Variants in ESR2 observed in about 807,000 individuals in gnomAD.
The protein encoded by ESR2 is estrogen receptor 2, also known as estrogen receptor beta.
A neutral mutation model predicts 49.6 loss-of-function variants in ESR2; 36 were observed. That is an observed-to-expected ratio of 0.73 (90% CI 0.56 to 0.96). The LOEUF is 0.96. Among genes scored for constraint, ESR2 ranks in the 40% least tolerant of loss-of-function variants. The probability of loss-of-function intolerance (pLI) is 0.00; values close to 1 mark genes in which losing one functional copy is unlikely to be tolerated. For missense variants in ESR2, 714 were observed against 693.0 expected, an observed-to-expected ratio of 1.03 and a Z score of -0.34; for synonymous variants, 320 against 266.1, an observed-to-expected ratio of 1.20 and a Z score of -1.97.
chr14:64,289,836 G>A (rs2076842989), intron 1 of ESR2, among the ~76,000 whole-genome samples: 1 of 152,064 alleles, frequency 6.6e-6, no homozygotes, highest in Non-Finnish European at 1.5e-5. Flanking sequence ...AGACTAGGAG[G>A]ATAAGTCTAG....
chr14:64,262,502 T>C (rs943434754), intron 4 of ESR2, among the ~76,000 whole-genome samples: 1 of 152,256 alleles, frequency 6.6e-6, no homozygotes, highest in South Asian at 2.1e-4. Flanking sequence ...TGATTTTGGT[T>C]AGAATTTCTA....
chr14:64,275,327 T>C (rs1229719647), intron 3 of ESR2, among the ~76,000 whole-genome samples: 2 of 152,238 alleles, frequency 1.3e-5, no homozygotes, highest in Non-Finnish European at 2.9e-5. Context: ...TCTTTATTAT[T>C]AGTGACCTTT....
At chr14:64,312,918 A>T (rs1174972798) in intron 1 of ESR2, among the ~76,000 whole-genome samples, 2 of 152,152 alleles carry the variant, frequency 1.3e-5, no homozygotes, top group Non-Finnish European at 2.9e-5. Context: ...CAAAAAGAAA[A>T]AAATAAATAA....
In ESR2 at chr14:64,230,037, G is replaced by A. The variant is rs934537842; in HGVS notation, c.*3100C>T. On this transcript the variant is annotated 3_prime_UTR_variant, in exon 9 of 9. Coordinates refer to ENST00000341099, the MANE Select transcript of ESR2 (RefSeq NM_001437.3). Reference sequence around the variant, plus strand: ...CTACAAATATTAAAAGAATTAGCCAGGAGTGGTGGTGTGCACCCCAGCTAC... The same window carrying A: ...CTACAAATATTAAAAGAATTAGCCAAGAGTGGTGGTGTGCACCCCAGCTAC... Among the ~76,000 whole-genome samples, 1 of 151,908 alleles carries A rather than the reference G, an allele frequency of 6.6e-6. No individual in the cohort carries two copies. Among genetic ancestry groups the A allele is most frequent in the Non-Finnish European group, 1.5e-5 (1 of 67,982 alleles).
At chr14:64,331,104 A>G (rs1347580897) in intron 1 of ESR2, among the ~76,000 whole-genome samples, 1 of 152,194 alleles carries the variant, frequency 6.6e-6, no homozygotes, top group African/African-American at 2.4e-5. Flanking sequence ...AGACTAGATT[A>G]AAAAACAAAA....
At chr14:64,259,375 C>A (rs1032404739) in intron 5 of ESR2, among the ~76,000 whole-genome samples, 3 of 152,228 alleles carry the variant, frequency 2.0e-5, no homozygotes, top group African/African-American at 7.2e-5. Flanking sequence ...TTGCCCAGTG[C>A]AGTCGCTGCC....
intron 7 of ESR2, among the ~76,000 whole-genome samples, chr14:64,246,749 A>AAAAAAAAAAAAAAAAAC (rs2075866814): frequency 6.9e-6 from 1 of 143,932 alleles, no homozygotes; most frequent in African/African-American, 2.7e-5. Context: ...AAAAAAAAAA[A>AAAAAAAAAAAAAAAAAC]AAAAAAAAAA....
At chr14:64,289,165 T>G (rs2076829896) in intron 1 of ESR2, among the ~76,000 whole-genome samples, 1 of 152,020 alleles carries the variant, frequency 6.6e-6, no homozygotes, top group Non-Finnish European at 1.5e-5. Flanking sequence ...AGGTACCTAT[T>G]TGGTGCTGTA....
In ESR2 at chr14:64,268,878, T is replaced by C. The variant is rs552876311; in HGVS notation, c.569A>G (p.Gln190Arg). 3 of 1,612,958 alleles carry C rather than the reference T, an allele frequency of 1.9e-6. No homozygotes were observed. In the East Asian group the frequency reaches 6.7e-5, roughly 36 times the overall value. ...HNDYICPATNQCTIDKNRRKS... is the reference protein window; with the variant it reads ...HNDYICPATNRCTIDKNRRKS... ...GCGCCGGTTTTTATCGATTGTACAC[T>C]GATTTGTAGCTGGACAAATATAATC... Residue 190 changes from glutamine (Q) to arginine (R), a missense_variant, in exon 4 of 9, where the codon CAG (glutamine) becomes CGG (arginine). Transcript: ENST00000341099.
At chr14:64,309,344 G>T (rs1481795632) in intron 1 of ESR2, among the ~76,000 whole-genome samples, 2 of 152,202 alleles carry the variant, frequency 1.3e-5, no homozygotes, top group African/African-American at 4.8e-5. Flanking sequence ...GGGTGCAGTG[G>T]CTTATGCCTA....
intron 1 of ESR2, among the ~76,000 whole-genome samples, chr14:64,328,051 C>CAAAAAAAAA (rs748229456): frequency 4.3e-4 from 37 of 86,716 alleles, no homozygotes; most frequent in South Asian, 7.8e-4. Flanking sequence ...ACTAAAAATA[C>CAAAAAAAAA]AAAAAAAAAA....
In ESR2 at chr14:64,294,015, G is replaced by C. The variant is rs1197451603; in HGVS notation, c.-91+18C>G. ...AAATGAGACAATTAAACCACACCTC[G>C]AGCGAAGGGGCGCTTACCTTGCAGA... On this transcript the variant is annotated intron_variant, in intron 1 of 8. Coordinates refer to ENST00000341099, the MANE Select transcript of ESR2 (RefSeq NM_001437.3). 1 of 152,188 alleles carries C rather than the reference G, an allele frequency of 6.6e-6. No individual in the cohort carries two copies. Among genetic ancestry groups the C allele is most frequent in the Non-Finnish European group, 1.5e-5 (1 of 68,042 alleles). The allele number at this position is 152,188 out of a possible 1,614,324, so 9.4% of individuals were successfully genotyped here.
chr14:64,306,589 A>C (rs897833089), intron 1 of ESR2, among the ~76,000 whole-genome samples: 7 of 152,170 alleles, frequency 4.6e-5, no homozygotes, highest in Non-Finnish European at 7.3e-5. Flanking sequence ...AATTATATTG[A>C]TTGGGCTTTG....
At chr14:64,326,445 A>T (rs1007046645) in intron 1 of ESR2, among the ~76,000 whole-genome samples, 4 of 152,098 alleles carry the variant, frequency 2.6e-5, no homozygotes, top group African/African-American at 9.7e-5. Flanking sequence ...TTATTATTTA[A>T]TTATTTATTA....
At chr14:64,249,731 A>T in intron 6 of ESR2, 52 bp from the exon 7 acceptor site, 1 of 1,543,654 alleles carries the variant, frequency 6.5e-7, no homozygotes, top group Non-Finnish European at 8.8e-7. Flanking sequence ...GAAACCATCA[A>T]AAAAACAATA....
intron 3 of ESR2, among the ~76,000 whole-genome samples, chr14:64,270,338 C>T (rs759459392): frequency 5.3e-5 from 8 of 152,114 alleles, no homozygotes; most frequent in Non-Finnish European, 1.2e-4. Context: ...ACTGTCCCAC[C>T]TCTGCAGGGA....
At position 64,232,619 on chromosome 14, in the gene ESR2, C is replaced by T. The variant is rs562605925; in HGVS notation, c.*518G>A. 1 of 154,118 alleles carries T rather than the reference C, an allele frequency of 6.5e-6. No individual in the cohort carries two copies. The highest frequency in any genetic ancestry group is 2.0e-4 in the South Asian group (1 of 4,942). The allele number at this position is 154,118 out of a possible 1,614,324, so 9.5% of individuals were successfully genotyped here. A position where few individuals can be genotyped will look rare whatever the true frequency, so the allele number is the denominator to read the frequency against. On this transcript the variant is annotated 3_prime_UTR_variant, in exon 9 of 9. Transcript: ENST00000341099. Reference sequence around the variant, plus strand: ...AGCATCATATGATATGATCAGTCCCCACAGGCCTGGGAGGTAAGTACGCAA... The same window carrying T: ...AGCATCATATGATATGATCAGTCCCTACAGGCCTGGGAGGTAAGTACGCAA...
chr14:64,261,239 C>CTTTTTTTTTTTTTTTTTTTT (rs58982771), intron 4 of ESR2, among the ~76,000 whole-genome samples: 2 of 127,104 alleles, frequency 1.6e-5, no homozygotes, highest in Non-Finnish European at 3.1e-5. Context: ...TTTCTTTTTT[C>CTTTTTTTTTTTTTTTTTTTT]TTTTTTTTTT....
chr14:64,227,830 T>C, downstream of ESR2: 1 of 1,582,932 alleles, frequency 6.3e-7, no homozygotes, highest in South Asian at 1.1e-5. Flanking sequence ...CTGGGTTTTA[T>C]ATCGTCTGCA....
Sources: gnomAD v4.1 joint callset for allele counts (sites outside exome capture counted in the v4.1 genomes callset) on GRCh38, gnomAD v4.1.1 for gene constraint, MANE v1.5 for transcripts, NCBI Gene and HGNC (gene_info 2026-07-23, HGNC 2026-07-21) for gene names.